ALKBH8: variants seen among roughly 807,000 people sequenced by gnomAD.
ALKBH8 encodes alkB homolog 8, tRNA methyltransferase.
Under a neutral mutation model 59.8 loss-of-function variants are expected in ALKBH8, and 36 were observed. That is an observed-to-expected ratio of 0.60 (90% CI 0.46 to 0.79). The LOEUF (loss-of-function observed/expected upper bound fraction) is 0.79. ALKBH8 is among the 30% of genes least tolerant of loss of function. The probability of loss-of-function intolerance (pLI) is 0.00; values close to 1 mark genes in which losing one functional copy is unlikely to be tolerated. For synonymous variants in ALKBH8, 276 were observed against 273.6 expected, an observed-to-expected ratio of 1.01 and a Z score of -0.09; for missense variants, 768 against 801.0, an observed-to-expected ratio of 0.96 and a Z score of 0.50.
At chr11:107,517,463 C>T (rs1408969456) in intron 10 of ALKBH8, among the ~76,000 whole-genome samples, 1 of 152,206 alleles carries the variant, frequency 6.6e-6, no homozygotes, top group Non-Finnish European at 1.5e-5. Flanking sequence ...GATATCTGCA[C>T]TCCCATGTTT....
rs1864793938 is a variant in ALKBH8, at chr11:107,558,251, T to C, written c.130-1248A>G. ...GGATATAAAAGAATTATTATGAAAT[T>C]GGACAATAAGGAAAGTAAAACTGTT... On this transcript the variant is annotated intron_variant, in intron 2 of 11. Transcript: ENST00000428149. Among the ~76,000 whole-genome samples, 6 of 152,150 alleles carry C rather than the reference T, an allele frequency of 3.9e-5. No individual in the cohort carries two copies. In the South Asian group the frequency reaches 1.2e-3, roughly 31 times the overall value.
At chr11:107,555,972 A>C (rs1864689462) in intron 3 of ALKBH8, among the ~76,000 whole-genome samples, 1 of 152,212 alleles carries the variant, frequency 6.6e-6, no homozygotes, top group Non-Finnish European at 1.5e-5. Context: ...TCTACTGGAC[A>C]GCACCACCAT....
At chr11:107,529,346 G>GC (rs1424703139) in intron 8 of ALKBH8, among the ~76,000 whole-genome samples, 2 of 152,168 alleles carry the variant, frequency 1.3e-5, no homozygotes, top group African/African-American at 4.8e-5. Flanking sequence ...ATGAAATAAT[G>GC]CTTCCTGGGG....
chr11:107,548,446 G>T (rs552276366), intron 7 of ALKBH8, among the ~76,000 whole-genome samples: 1 of 152,314 alleles, frequency 6.6e-6, no homozygotes, highest in South Asian at 2.1e-4. Context: ...TTACACAGTT[G>T]GGAGGAAAAT....
intron 7 of ALKBH8, 44 bp downstream of exon 7, chr11:107,549,709 C>A: frequency 1.5e-6 from 2 of 1,337,970 alleles, no homozygotes; most frequent in East Asian, 2.5e-5. Context: ...GGGCATTGTA[C>A]AAGGTAAGAT....
chr11:107,524,660 T>C (rs1477243199), intron 9 of ALKBH8, among the ~76,000 whole-genome samples: 1 of 152,198 alleles, frequency 6.6e-6, no homozygotes, highest in Non-Finnish European at 1.5e-5. Context: ...TAAGCTTCAG[T>C]AACATCAGGA....
In ALKBH8 at chr11:107,504,479, G is replaced by A. The variant is rs1326775135; in HGVS notation, c.*179C>T. 3.9e-6 allele frequency: 3 copies of A among 766,632 alleles called. No individual in the cohort carries two copies. Among genetic ancestry groups the A allele is most frequent in the Non-Finnish European group, 6.7e-6 (3 of 450,066 alleles). 47.5% of individuals were successfully genotyped at this position (766,632 alleles called of 1,614,324 possible). On this transcript the variant is annotated 3_prime_UTR_variant, in exon 12 of 12. Coordinates refer to ENST00000428149, the MANE Select transcript of ALKBH8 (RefSeq NM_138775.3). The stretch of plus-strand genomic sequence containing the variant: ...GAGGAGCCAACACCACATCTGTGAT[G>A]TCAGCCAACAGGAGACATTTGAATG...
intron 9 of ALKBH8, among the ~76,000 whole-genome samples, chr11:107,525,032 T>C (rs913869288): frequency 3.9e-5 from 6 of 152,218 alleles, no homozygotes; most frequent in East Asian, 1.9e-4. Flanking sequence ...TTATGTACTA[T>C]AGAACAATTT....
intron 7 of ALKBH8, among the ~76,000 whole-genome samples, chr11:107,536,152 C>T (rs1863805764): frequency 6.6e-6 from 1 of 152,166 alleles, no homozygotes; most frequent in Non-Finnish European, 1.5e-5. Flanking sequence ...TGTTTCTGTA[C>T]CTCACTTCTG....
chr11:107,543,933 G>A (rs189049896), intron 7 of ALKBH8, among the ~76,000 whole-genome samples: 256 of 152,336 alleles, frequency 1.7e-3, no homozygotes, highest in Middle Eastern at 6.8e-3. Flanking sequence ...GCCCCTCACA[G>A]ATGCAAAGAC....
chr11:107,505,616 C>G (rs147752050), intron 11 of ALKBH8, among the ~76,000 whole-genome samples: 1 of 152,162 alleles, frequency 6.6e-6, no homozygotes, highest in Non-Finnish European at 1.5e-5. Context: ...ATAGCCTTGA[C>G]GAAGTTGTTT....
At chr11:107,510,771 G>T in intron 11 of ALKBH8, 116 bp downstream of exon 11, 1 of 1,130,820 alleles carries the variant, frequency 8.8e-7, no homozygotes. Flanking sequence ...ACTGTGACAA[G>T]AAAAGAGAAC....
At chr11:107,527,023 A>G (rs1034421472) in intron 8 of ALKBH8, among the ~76,000 whole-genome samples, 1 of 151,944 alleles carries the variant, frequency 6.6e-6, no homozygotes, top group East Asian at 1.9e-4. Flanking sequence ...TTGTTTCAAG[A>G]TTGTTTTGAC....
chr11:107,522,327 T>C lies in ALKBH8; in HGVS notation c.1259A>G (p.Tyr420Cys). Residue 420 changes from tyrosine to cysteine, a missense_variant, in exon 10 of 12, where the codon TAT becomes TGT. By Grantham distance (194) the Tyr-to-Cys change is radical (BLOSUM62 -2). Coordinates refer to ENST00000428149, the MANE Select transcript of ALKBH8 (RefSeq NM_138775.3). ...VADIGCGNGK[Y>C]LGINKELYMI... ...ATATAACTCCTTATTGATGCCAAGA[T>C]ACTTTCCATTACCACATCCAATATC... 6 of 1,551,682 alleles carry C rather than the reference T, an allele frequency of 3.9e-6. No individual in the cohort carries two copies. The highest frequency in any genetic ancestry group is 5.2e-6 in the Non-Finnish European group (6 of 1,146,962).
rs567957 is a variant in ALKBH8 at position 107,542,216 on chromosome 11, C to T, written c.771+7537G>A. Among the ~76,000 whole-genome samples the T allele has an allele frequency of 4.6e-3, 702 of 152,048 alleles. 3 individuals are homozygous for T. The highest frequency in any genetic ancestry group is 0.015 in the African/African-American group (618 of 41,494). Reference sequence around the variant, plus strand: ...AACTCAATCTACAGATTCAAGAAACCTGGTAATTCCCAAGCAGAATAAACA... The same window carrying T: ...AACTCAATCTACAGATTCAAGAAACTTGGTAATTCCCAAGCAGAATAAACA... On this transcript the variant is annotated intron_variant, in intron 7 of 11. Transcript: ENST00000428149.
intron 7 of ALKBH8, among the ~76,000 whole-genome samples, chr11:107,548,650 G>C (rs1213546450): frequency 2.0e-5 from 3 of 152,206 alleles, no homozygotes; most frequent in African/African-American, 4.8e-5. Context: ...TCAAGTGACA[G>C]TATCAACATG....
chr11:107,515,300 A>G (rs748613181), intron 10 of ALKBH8, among the ~76,000 whole-genome samples: 9 of 152,226 alleles, frequency 5.9e-5, no homozygotes, highest in Non-Finnish European at 5.9e-5. Context: ...GTAAAGCTAC[A>G]TATTTCTGTG....
chr11:107,505,990 C>A (rs1029634375), intron 11 of ALKBH8, among the ~76,000 whole-genome samples: 2 of 152,140 alleles, frequency 1.3e-5, no homozygotes, highest in Non-Finnish European at 2.9e-5. Context: ...TTGCCAGTTT[C>A]TAAGCAGCAT....
rs878857037 is a variant in ALKBH8, at chr11:107,511,023, C to T, written c.1301G>A (p.Arg434His). 1.4e-5 allele frequency: 21 copies of T among 1,551,660 alleles called. No individual in the cohort carries two copies. Among genetic ancestry groups the T allele is most frequent in the East Asian group, 9.8e-5 (4 of 40,922 alleles). ...ACAAATGTCCACAAGGTTTTGGCTA[C>T]GATCACAACCAATCTGTAACAGAGA... is the stretch of plus-strand genomic sequence containing the variant. ...NKELYMIGCD[R>H]SQNLVDICRE... is the part of the protein sequence containing the mutation. Residue 434 changes from arginine (R) to histidine (H), a missense_variant, in exon 11 of 12, where the codon CGT (arginine) becomes CAT (histidine). By Grantham distance (29) the Arg-to-His change is conservative (BLOSUM62 0). Transcript: ENST00000428149.
Sources: allele counts gnomAD v4.1 joint callset (sites outside exome capture counted in the v4.1 genomes callset), GRCh38; gene constraint gnomAD v4.1.1; transcripts MANE v1.5; gene names NCBI Gene and HGNC (gene_info 2026-07-23, HGNC 2026-07-21).